SYT9: variants seen among roughly 807,000 people sequenced by gnomAD.
SYT9 encodes synaptotagmin 9, also known as synaptotagmin-9.
In SYT9, 22 loss-of-function variants were observed where a neutral mutation model predicts 48.4. The ratio of observed to expected loss-of-function variants is 0.45; its 90% CI spans 0.32 to 0.65. The LOEUF is 0.65. Ranked by LOEUF, SYT9 falls within the 30% of genes least tolerant of loss-of-function variation. The pLI, the probability that SYT9 is intolerant of heterozygous loss-of-function variation, is 0.03. For synonymous variants in SYT9, 265 were observed against 245.0 expected (o/e 1.08, Z -0.76); for missense variants, 577 against 622.0 (o/e 0.93, Z 0.77).
At chr11:7,443,134 C>A (rs1438008902) in intron 6 of SYT9, among the ~76,000 whole-genome samples, 1 of 152,120 alleles carries the variant, frequency 6.6e-6, no homozygotes, top group Non-Finnish European at 1.5e-5. Flanking sequence ...GACCCGACTG[C>A]CTAACATGTT....
chr11:7,310,600 C>A (rs974888912), intron 2 of SYT9, among the ~76,000 whole-genome samples: 15 of 152,026 alleles, frequency 9.9e-5, no homozygotes, highest in African/African-American at 3.6e-4. Context: ...GTGCCTGCCA[C>A]CACGCCTGGC....
chr11:7,331,412 A>G (rs1849528687), intron 3 of SYT9, among the ~76,000 whole-genome samples: 1 of 151,854 alleles, frequency 6.6e-6, no homozygotes, highest in African/African-American at 2.4e-5. Flanking sequence ...AATTGTATGT[A>G]TTGTAAGAAA....
chr11:7,314,206 G>A, intron 3 of SYT9: 1 of 582,504 alleles, frequency 1.7e-6, no homozygotes, highest in Non-Finnish European at 3.2e-6. Context: ...GCCCCTAAGA[G>A]ACAGCAGGTG....
At chr11:7,315,969 C>T (rs1849235931) in intron 3 of SYT9, among the ~76,000 whole-genome samples, 1 of 152,054 alleles carries the variant, frequency 6.6e-6, no homozygotes, top group Non-Finnish European at 1.5e-5. Flanking sequence ...TTTGGATGGC[C>T]ACGGGAGAGG....
intron 1 of SYT9, among the ~76,000 whole-genome samples, chr11:7,262,791 G>C (rs1848104096): frequency 6.6e-6 from 1 of 152,130 alleles, no homozygotes; most frequent in African/African-American, 2.4e-5. Context: ...TGATTGGCAT[G>C]GCTGTAAAAG....
chr11:7,287,787 G>T lies in SYT9; in HGVS notation c.146-15252G>T, dbSNP rs143854177. ...CTGCAACTTTTTCTTTCTTATTTTGGGACAATGAGATAATGGCTCTCTTCT... is the reference window on the plus strand; with the variant it reads ...CTGCAACTTTTTCTTTCTTATTTTGTGACAATGAGATAATGGCTCTCTTCT... On this transcript the variant is annotated intron_variant, in intron 1 of 6. Transcript: ENST00000318881. Among the ~76,000 whole-genome samples, 15 of 151,916 alleles carry T rather than the reference G, an allele frequency of 9.9e-5. No individual in the cohort carries two copies. The East Asian group carries it at 2.3e-3, about 23-fold the overall frequency.
chr11:7,384,206 T>G (rs1183638660), intron 3 of SYT9, among the ~76,000 whole-genome samples: 1 of 152,194 alleles, frequency 6.6e-6, no homozygotes, highest in South Asian at 2.1e-4. Context: ...AGCTGAACCA[T>G]GTATGTCTCT....
chr11:7,389,304 G>T (rs1850718763), intron 3 of SYT9, among the ~76,000 whole-genome samples: 3 of 152,096 alleles, frequency 2.0e-5, no homozygotes, highest in African/African-American at 7.2e-5. Context: ...GGAGACTGGG[G>T]TATCAAAAGT....
chr11:7,297,608 G>A (rs1210560603), intron 1 of SYT9, among the ~76,000 whole-genome samples: 4 of 152,176 alleles, frequency 2.6e-5, no homozygotes, highest in Non-Finnish European at 4.4e-5. Context: ...TGCTCAGCTC[G>A]CATGCTGGGA....
chr11:7,291,382 A>C (rs1848694246), intron 1 of SYT9, among the ~76,000 whole-genome samples: 1 of 152,196 alleles, frequency 6.6e-6, no homozygotes, highest in African/African-American at 2.4e-5. Context: ...AGCACATATA[A>C]ATGCTGTGTT....
At chr11:7,349,671 C>G (rs1204655978) in intron 3 of SYT9, among the ~76,000 whole-genome samples, 1 of 152,224 alleles carries the variant, frequency 6.6e-6, no homozygotes, top group Non-Finnish European at 1.5e-5. Flanking sequence ...ATATGCCAGA[C>G]CCCAGTTCTA....
chr11:7,423,808 C>T (rs1461675821), intron 6 of SYT9, among the ~76,000 whole-genome samples: 2 of 152,180 alleles, frequency 1.3e-5, no homozygotes, highest in Non-Finnish European at 2.9e-5. Context: ...CTTGGCTAAA[C>T]ACAGATGCAC....
intron 3 of SYT9, among the ~76,000 whole-genome samples, chr11:7,350,327 T>G (rs1305641508): frequency 1.3e-5 from 2 of 151,894 alleles, no homozygotes; most frequent in Non-Finnish European, 2.9e-5. Flanking sequence ...AATGCAGGCT[T>G]CAGGCTTGAG....
At chr11:7,455,892 A>C (rs1848143019) in intron 6 of SYT9, among the ~76,000 whole-genome samples, 6 of 152,148 alleles carry the variant, frequency 3.9e-5, no homozygotes. Flanking sequence ...AGCAAGTATC[A>C]CCATCCAGTC....
chr11:7,261,988 C>T (rs1418991737), intron 1 of SYT9, among the ~76,000 whole-genome samples: 2 of 152,104 alleles, frequency 1.3e-5, no homozygotes, highest in Admixed American at 1.3e-4. Flanking sequence ...ATCACTCTGA[C>T]CAGCACATAG....
intron 6 of SYT9, among the ~76,000 whole-genome samples, chr11:7,461,593 G>A (rs1046006943): frequency 1.3e-5 from 2 of 152,132 alleles, no homozygotes; most frequent in African/African-American, 2.4e-5. Context: ...GGCTGGTCTC[G>A]AACTCCTAAC....
chr11:7,414,409 G>T (rs979681945), intron 3 of SYT9, among the ~76,000 whole-genome samples: 5 of 152,184 alleles, frequency 3.3e-5, no homozygotes, highest in Non-Finnish European at 7.3e-5. Flanking sequence ...GGACAGCTGT[G>T]GTCTCTCTTT....
chr11:7,451,221 C>G (rs7102418), intron 6 of SYT9, among the ~76,000 whole-genome samples: 65,312 of 152,086 alleles, frequency 0.43, 17,343 homozygotes, highest in African/African-American at 0.75. Flanking sequence ...ATAATATGCA[C>G]TAAAATTTAT....
chr11:7,264,889 C>T (rs1028596888), intron 1 of SYT9, among the ~76,000 whole-genome samples: 2 of 152,052 alleles, frequency 1.3e-5, no homozygotes, highest in Non-Finnish European at 2.9e-5. Context: ...GTGGGGGAAG[C>T]GACCTGAGGA....
Sources: allele counts gnomAD v4.1 joint callset (sites outside exome capture counted in the v4.1 genomes callset), GRCh38; gene constraint gnomAD v4.1.1; transcripts MANE v1.5; gene names NCBI Gene and HGNC (gene_info 2026-07-23, HGNC 2026-07-21).